The following ORC4 variants were observed in gnomAD, a reference collection of about 807,000 sequenced individuals.
ORC4 encodes the protein origin recognition complex, subunit 4 homolog.
A neutral mutation model predicts 63.9 loss-of-function variants in ORC4; 55 were observed. That is an observed-to-expected ratio of 0.86 (90% CI 0.69 to 1.08). ORC4 has a LOEUF of 1.08. Ranked by LOEUF, ORC4 falls within the 50% of genes least tolerant of loss-of-function variation. ORC4 has a pLI of 0.00. For synonymous variants in ORC4, 150 were observed against 168.5 expected (o/e 0.89, Z 0.85); for missense variants, 511 against 504.4 (o/e 1.01, Z -0.13).
At chr2:147,970,338 G>A (rs1482127734) in intron 4 of ORC4, among the ~76,000 whole-genome samples, 1 of 152,082 alleles carries the variant, frequency 6.6e-6, no homozygotes, top group Non-Finnish European at 1.5e-5. Flanking sequence ...TGTACAAAGT[G>A]ATTCTAAAGT....
chr2:147,973,602 A>T (rs1031977485), intron 2 of ORC4, 78 bp from the exon 3 acceptor site: 4 of 817,440 alleles, frequency 4.9e-6, no homozygotes, highest in East Asian at 2.7e-5. Context: ...GCACATTTAC[A>T]ATAGTCAGAA....
chr2:147,935,647 A>G lies in ORC4; in HGVS notation c.1174T>C (p.Ser392Pro). ...LELIKPMERT[S>P]GNSQREYQLM... ...TGGTACTCTCTCTGTGAATTTCCTGAAGTTCTTTCCATGGGCTTTATTAAT... is the reference window on the plus strand; with the variant it reads ...TGGTACTCTCTCTGTGAATTTCCTGGAGTTCTTTCCATGGGCTTTATTAAT... Residue 392 changes from serine to proline, a missense_variant, in exon 14 of 14, where the codon TCA becomes CCA. By Grantham distance (74) the Ser-to-Pro change is moderately conservative. Transcript: ENST00000392857. 6.2e-7 allele frequency: 1 copy of G among 1,613,568 alleles called. No individual in the cohort carries two copies. The highest frequency in any genetic ancestry group is 8.5e-7 in the Non-Finnish European group (1 of 1,179,790).
At chr2:147,992,020 G>T (rs1691644918) in intron 1 of ORC4, among the ~76,000 whole-genome samples, 1 of 152,130 alleles carries the variant, frequency 6.6e-6, no homozygotes, top group Non-Finnish European at 1.5e-5. Context: ...GCTAACAAAA[G>T]AACTAACACA....
At chr2:148,019,783 T>C (rs1693580737) in intron 1 of ORC4, among the ~76,000 whole-genome samples, 2 of 152,156 alleles carry the variant, frequency 1.3e-5, no homozygotes, top group Admixed American at 1.3e-4. Context: ...ACCAGCACTG[T>C]TTCACTATAA....
intron 1 of ORC4, among the ~76,000 whole-genome samples, chr2:147,982,437 C>G: frequency 6.6e-6 from 1 of 152,138 alleles, no homozygotes. Context: ...ACTACATTAG[C>G]TATCTTACAG....
At chr2:147,957,708 A>G (rs1198554265) in intron 6 of ORC4, among the ~76,000 whole-genome samples, 4 of 152,168 alleles carry the variant, frequency 2.6e-5, no homozygotes, top group Non-Finnish European at 5.9e-5. Context: ...CATCCAGCAA[A>G]TTATTTTTTA....
intron 4 of ORC4, among the ~76,000 whole-genome samples, chr2:147,967,111 A>G (rs1326530829): frequency 2.6e-5 from 4 of 152,118 alleles, no homozygotes; most frequent in Non-Finnish European, 5.9e-5. Flanking sequence ...ATGGATGCAG[A>G]AAAAAACACG....
At chr2:147,940,790 T>A (rs1217530152) in intron 10 of ORC4, among the ~76,000 whole-genome samples, 1 of 152,132 alleles carries the variant, frequency 6.6e-6, no homozygotes, top group African/African-American at 2.4e-5. Flanking sequence ...TTCTCACTGA[T>A]ATGATATGTG....
chr2:148,013,347 C>A (rs1357081205), intron 1 of ORC4, among the ~76,000 whole-genome samples: 2 of 152,130 alleles, frequency 1.3e-5, no homozygotes, highest in Non-Finnish European at 2.9e-5. Flanking sequence ...CACATGTTCT[C>A]ACCCATATGT....
chr2:147,968,950 T>TA (rs1690053099), intron 4 of ORC4, among the ~76,000 whole-genome samples: 1 of 151,842 alleles, frequency 6.6e-6, no homozygotes, highest in South Asian at 2.1e-4. Context: ...GTTCAGCCAT[T>TA]AAAAAAAGAA....
Position 147,932,059 on chromosome 2 carries a change from T to C in ORC4, c.*3451A>G, listed in dbSNP as rs1471374349. On this transcript the variant is annotated 3_prime_UTR_variant, in exon 14 of 14. Coordinates refer to ENST00000392857, the MANE Select transcript of ORC4 (RefSeq NM_181741.4). ...ATGATTGTATATCTAGAAAACCCCA[T>C]CGTCTCAGCCCAAAATCTCCTTAAG... is the stretch of plus-strand genomic sequence containing the variant. The C allele has an allele frequency of 1.2e-4, 18 of 151,876 alleles. No homozygotes were observed. The highest frequency in any genetic ancestry group is 1.5e-4 in the African/African-American group (6 of 41,348). The allele number at this position is 151,876 out of a possible 1,614,324, so 9.4% of individuals were successfully genotyped here.
chr2:147,945,558 G>A (rs1396175795), intron 9 of ORC4, among the ~76,000 whole-genome samples: 1 of 152,078 alleles, frequency 6.6e-6, no homozygotes, highest in Non-Finnish European at 1.5e-5. Context: ...AATAAGGTAT[G>A]ATTCTTTTAA....
chr2:147,972,560 T>C (rs563430381), intron 4 of ORC4, among the ~76,000 whole-genome samples, 179 bp downstream of exon 4: 1 of 152,116 alleles, frequency 6.6e-6, no homozygotes, highest in African/African-American at 2.4e-5. Context: ...CCTAAGTTTA[T>C]AAAGTTTTAC....
chr2:147,952,079 A>C (rs574862615), intron 8 of ORC4, among the ~76,000 whole-genome samples: 2 of 152,318 alleles, frequency 1.3e-5, no homozygotes, highest in South Asian at 4.1e-4. Context: ...TATTGGTGAG[A>C]TTTAACCGCC....
At chr2:147,990,910 C>A (rs1239325962) in intron 1 of ORC4, among the ~76,000 whole-genome samples, 1 of 152,138 alleles carries the variant, frequency 6.6e-6, no homozygotes, top group Admixed American at 6.5e-5. Flanking sequence ...CCAGAAAAGC[C>A]ATGTTCTCTC....
chr2:147,976,055 A>T (rs1690535536), intron 1 of ORC4, 80 bp from the exon 2 acceptor site: 1 of 789,556 alleles, frequency 1.3e-6, no homozygotes, highest in African/African-American at 1.7e-5. Context: ...TAGAATTAAA[A>T]TAAATACAAG....
intron 1 of ORC4, among the ~76,000 whole-genome samples, chr2:147,977,531 C>T (rs762286744): frequency 2.6e-5 from 4 of 152,130 alleles, no homozygotes; most frequent in Non-Finnish European, 5.9e-5. Context: ...TTCAGGCAGG[C>T]GTCTGTGAAA....
At position 147,975,913 on chromosome 2, in the gene ORC4, A is replaced by T. The variant is rs760499564; in HGVS notation, c.46T>A (p.Cys16Ser). ...SKSNSLIHTE[C>S]LSQVQRILRE... Reference sequence around the variant, plus strand: ...AAATACATACTAACCTGTGAAAGGCACTCTGTGTGAATTAAGCTGTTACTC... The same window carrying T: ...AAATACATACTAACCTGTGAAAGGCTCTCTGTGTGAATTAAGCTGTTACTC... The change falls in exon 2 of 14, where the codon TGC (cysteine) becomes AGC (serine). Residue 16 changes from cysteine to serine, a missense_variant. Physicochemically the swap from Cys to Ser is moderately radical, Grantham distance 112 (BLOSUM62 -1). Coordinates refer to ENST00000392857, the MANE Select transcript of ORC4 (RefSeq NM_181741.4). 4 of 1,572,282 alleles carry T rather than the reference A, an allele frequency of 2.5e-6. No individual in the cohort carries two copies. The highest frequency in any genetic ancestry group is 3.5e-6 in the Non-Finnish European group (4 of 1,142,280).
At chr2:147,951,583 T>C (rs186775410) in intron 8 of ORC4, 1 of 152,326 alleles carries the variant, frequency 6.6e-6, no homozygotes, top group East Asian at 1.9e-4. Flanking sequence ...TCATGCAGCA[T>C]GAAAACCCTT....
Sources: allele counts gnomAD v4.1 joint callset (sites outside exome capture counted in the v4.1 genomes callset), GRCh38; gene constraint gnomAD v4.1.1; transcripts MANE v1.5; gene names NCBI Gene and HGNC (gene_info 2026-07-23, HGNC 2026-07-21).